Variants in LTBP1 observed in about 807,000 individuals in gnomAD.
LTBP1 encodes latent-transforming growth factor beta-binding protein 1.
A neutral mutation model predicts 207.6 loss-of-function variants in LTBP1; 129 were observed. That is an observed-to-expected ratio of 0.62 (90% CI 0.54 to 0.72). The LOEUF (loss-of-function observed/expected upper bound fraction) is 0.72. Among genes scored for constraint, LTBP1 ranks in the 30% least tolerant of loss-of-function variants. The pLI, the probability that LTBP1 is intolerant of heterozygous loss-of-function variation, is 0.00. For missense variants in LTBP1, 2,281 were observed against 2,217.2 expected, an observed-to-expected ratio of 1.03 and a Z score of -0.58; for synonymous variants, 963 against 833.7, an observed-to-expected ratio of 1.16 and a Z score of -2.67.
chr2:33,376,477 T>G (rs1467284155), intron 31 of LTBP1, among the ~76,000 whole-genome samples: 4 of 152,206 alleles, frequency 2.6e-5, no homozygotes, highest in African/African-American at 9.7e-5. Flanking sequence ...TGATTGCCAG[T>G]TGGAAATGAG....
intron 3 of LTBP1, among the ~76,000 whole-genome samples, chr2:33,043,794 A>G (rs187138069): frequency 1.1e-3 from 167 of 152,286 alleles, no homozygotes; most frequent in African/African-American, 3.9e-3. Flanking sequence ...GTGGTGGAGG[A>G]CCAGGCGGTG....
chr2:33,227,991 G>A (rs796190930), intron 9 of LTBP1, among the ~76,000 whole-genome samples: 28 of 151,890 alleles, frequency 1.8e-4, no homozygotes, highest in African/African-American at 6.5e-4. Flanking sequence ...ATTTTCAGTA[G>A]AGACGGGGTT....
chr2:33,202,112 T>G (rs2089371652), intron 7 of LTBP1, among the ~76,000 whole-genome samples: 2 of 150,234 alleles, frequency 1.3e-5, no homozygotes, highest in Non-Finnish European at 3.0e-5. Flanking sequence ...TTAAAAAAAC[T>G]TAAAAGAATA....
At chr2:33,056,927 T>A (rs1028609353) in intron 3 of LTBP1, among the ~76,000 whole-genome samples, 13 of 152,248 alleles carry the variant, frequency 8.5e-5, no homozygotes, top group African/African-American at 2.9e-4. Flanking sequence ...CCAGTTGGTC[T>A]GTTTTACAGA....
chr2:33,137,753 C>A (rs1336039619), intron 5 of LTBP1, among the ~76,000 whole-genome samples: 1 of 152,134 alleles, frequency 6.6e-6, no homozygotes, highest in African/African-American at 2.4e-5. Context: ...ATGATCATCA[C>A]CATTTTTTCA....
In LTBP1 at chr2:33,362,244, C is replaced by T. The variant is rs182103100; in HGVS notation, c.4270+729C>T. ...AGGACTGCTAAGTAGCTGGGAAACA[C>T]ACTGTAAAATCATTTTTATTGTCCA... On this transcript the variant is annotated intron_variant, in intron 28 of 33. Transcript: ENST00000404816. Among the ~76,000 whole-genome samples, 774 of 152,174 alleles carry T rather than the reference C, an allele frequency of 5.1e-3. 7 individuals carry two copies. Among genetic ancestry groups the T allele is most frequent in the Non-Finnish European group, 8.0e-3 (541 of 67,984 alleles).
intron 7 of LTBP1, among the ~76,000 whole-genome samples, chr2:33,201,153 T>C (rs1255419180): frequency 6.6e-6 from 1 of 152,152 alleles, no homozygotes; most frequent in East Asian, 1.9e-4. Context: ...CTATAAATCA[T>C]GCTGCTATAA....
chr2:33,183,423 A>G (rs926801652), intron 5 of LTBP1, among the ~76,000 whole-genome samples: 2 of 152,240 alleles, frequency 1.3e-5, no homozygotes, highest in African/African-American at 4.8e-5. Flanking sequence ...CTTTCAGAGA[A>G]GTGACATGAT....
At chr2:33,112,451 T>C (rs2080468843) in intron 4 of LTBP1, among the ~76,000 whole-genome samples, 1 of 152,216 alleles carries the variant, frequency 6.6e-6, no homozygotes, top group African/African-American at 2.4e-5. Flanking sequence ...TTCTACATAG[T>C]AAGGAGCTAG....
chr2:33,375,656 T>C (rs1222870968), intron 31 of LTBP1, among the ~76,000 whole-genome samples: 4 of 151,590 alleles, frequency 2.6e-5, no homozygotes, highest in Non-Finnish European at 4.4e-5. Flanking sequence ...GCCTCCTGAG[T>C]AGCTGGGACC....
chr2:33,225,075 A>C (rs1476396823), intron 9 of LTBP1, among the ~76,000 whole-genome samples: 1 of 152,040 alleles, frequency 6.6e-6, no homozygotes, highest in East Asian at 1.9e-4. Context: ...GTGTCCCTTA[A>C]TTTTGTGTCA....
At chr2:33,066,410 A>C (rs1042016865) in intron 3 of LTBP1, among the ~76,000 whole-genome samples, 2 of 152,162 alleles carry the variant, frequency 1.3e-5, no homozygotes, top group South Asian at 4.1e-4. Context: ...TAAACTTAGA[A>C]ATTGTCAGTG....
chr2:32,989,708 T>C (rs367666076), intron 2 of LTBP1, among the ~76,000 whole-genome samples: 201 of 152,324 alleles, frequency 1.3e-3, no homozygotes, highest in African/African-American at 4.6e-3. Context: ...CATGCCATCA[T>C]CAAGGACTGT....
chr2:32,950,888 G>A (rs929083232), intron 2 of LTBP1, among the ~76,000 whole-genome samples: 1 of 152,190 alleles, frequency 6.6e-6, no homozygotes, highest in African/African-American at 2.4e-5. Flanking sequence ...GGAATTCGGG[G>A]ATCCAAAGAT....
chr2:33,247,937 A>G (rs764851753), intron 10 of LTBP1, among the ~76,000 whole-genome samples: 23 of 152,234 alleles, frequency 1.5e-4, no homozygotes, highest in Non-Finnish European at 2.4e-4. Flanking sequence ...GCCCATGGTA[A>G]CATTTTCTCC....
At chr2:33,255,490 C>G (rs2147792597) in intron 11 of LTBP1, among the ~76,000 whole-genome samples, 1 of 152,182 alleles carries the variant, frequency 6.6e-6, no homozygotes, top group East Asian at 1.9e-4. Flanking sequence ...GGATATATAC[C>G]CAAATGACTA....
At chr2:32,995,623 T>C (rs1418175769) in intron 2 of LTBP1, among the ~76,000 whole-genome samples, 2 of 151,896 alleles carry the variant, frequency 1.3e-5, no homozygotes, top group Non-Finnish European at 2.9e-5. Context: ...CTACTAAAAA[T>C]ACAAAAACAA....
intron 23 of LTBP1, 40 bp from the exon 24 acceptor site, chr2:33,315,104 G>T: frequency 6.5e-7 from 1 of 1,537,696 alleles, no homozygotes; most frequent in Non-Finnish European, 8.7e-7. Context: ...GAATGAAACC[G>T]ATTTTTTTCA....
intron 3 of LTBP1, among the ~76,000 whole-genome samples, chr2:33,107,671 G>A (rs962485496): frequency 3.3e-5 from 5 of 152,242 alleles, no homozygotes; most frequent in East Asian, 1.9e-4. Flanking sequence ...GTGGCTGTAC[G>A]ATTGCATAAC....
Sources: gnomAD v4.1 joint callset for allele counts (sites outside exome capture counted in the v4.1 genomes callset) on GRCh38, gnomAD v4.1.1 for gene constraint, MANE v1.5 for transcripts, NCBI Gene and HGNC (gene_info 2026-07-23, HGNC 2026-07-21) for gene names.